Variants in HELQ observed in about 807,000 individuals in gnomAD.
HELQ encodes helicase POLQ-like.
Under a neutral mutation model 111.6 loss-of-function variants are expected in HELQ, and 77 were observed. The ratio of observed to expected loss-of-function variants is 0.69; its 90% CI spans 0.57 to 0.83. The LOEUF is 0.83. Among genes scored for constraint, HELQ ranks in the 40% least tolerant of loss-of-function variants. The pLI is 0.00. For synonymous variants in HELQ, 438 were observed against 454.7 expected, an observed-to-expected ratio of 0.96 and a Z score of 0.47; for missense variants, 1,200 against 1,288.5, an observed-to-expected ratio of 0.93 and a Z score of 1.05.
chr4:83,435,256 A>G (rs2172808), intron 9 of HELQ, among the ~76,000 whole-genome samples: 13,651 of 152,180 alleles, frequency 0.09, 2,062 homozygotes, highest in African/African-American at 0.31. Flanking sequence ...ACTACATGAA[A>G]GGGAGGGGAA....
chr4:83,414,710 T>TA (rs1277931930), intron 17 of HELQ, among the ~76,000 whole-genome samples: 1 of 152,096 alleles, frequency 6.6e-6, no homozygotes, highest in Non-Finnish European at 1.5e-5. Context: ...TTCCTCACAG[T>TA]AAAACATCAG....
chr4:83,431,246 T>C (rs1720130395), intron 11 of HELQ, among the ~76,000 whole-genome samples: 1 of 151,438 alleles, frequency 6.6e-6, no homozygotes, highest in South Asian at 2.1e-4. Flanking sequence ...CAAGACCCCA[T>C]CTCTAAGAAA....
In HELQ at chr4:83,421,461, C is replaced by T. The variant is rs185990570; in HGVS notation, c.2949+102G>A. ...GCTCTGTAATAACAGAATATGTCAA[C>T]AAGGAGAAAATGCTGACATACTGAC... On this transcript the variant is annotated intron_variant, in intron 15 of 17. Coordinates refer to ENST00000295488, the MANE Select transcript of HELQ (RefSeq NM_133636.5). 5.0e-6 allele frequency: 4 copies of T among 802,348 alleles called. No individual in the cohort carries two copies. In the South Asian group the frequency reaches 7.5e-5, roughly 15 times the overall value. 49.7% of individuals were successfully genotyped at this position (802,348 alleles called of 1,614,324 possible).
chr4:83,448,814 A>T lies in HELQ; in HGVS notation c.1160T>A (p.Ile387Asn). Residue 387 changes from isoleucine to asparagine, a missense_variant, in exon 3 of 18, where the codon ATT (isoleucine) becomes AAT (asparagine). Transcript: ENST00000295488. ...TTGGACAATTGCCACATATGGAAGA[A>T]TCATTAAAACATCTTTCCGACAGCA... ...LLCCRKDVLM[I>N]LPYVAIVQEK... The T allele has an allele frequency of 6.2e-7, 1 of 1,613,832 alleles. No individual in the cohort carries two copies. The highest frequency in any genetic ancestry group is 8.5e-7 in the Non-Finnish European group (1 of 1,179,906).
intron 6 of HELQ, among the ~76,000 whole-genome samples, chr4:83,442,117 A>G (rs1720791622): frequency 6.6e-6 from 1 of 151,612 alleles, no homozygotes; most frequent in Non-Finnish European, 1.5e-5. Context: ...CCACCACACT[A>G]TTTTTCTTTA....
Position 83,455,445 on chromosome 4 carries a change from G to A in HELQ, c.249C>T (p.Asn83=), listed in dbSNP as rs1354459058. The change falls in exon 1 of 18, where the codon AAC becomes AAT. Residue 83 remains asparagine, a synonymous_variant. Transcript: ENST00000295488. ...ECLVLGGGDT[N]PDLLRHMPTD... Reference sequence around the variant, plus strand: ...TGGGCATGTGACGTAGGAGGTCCGGGTTTGTATCACCACCTCCAAGGACGA... The same window carrying A: ...TGGGCATGTGACGTAGGAGGTCCGGATTTGTATCACCACCTCCAAGGACGA... 1 of 1,614,014 alleles carries A rather than the reference G, an allele frequency of 6.2e-7. No individual in the cohort carries two copies. Among genetic ancestry groups the A allele is most frequent in the Non-Finnish European group, 8.5e-7 (1 of 1,180,030 alleles).
At chr4:83,445,350 T>C (rs1468930616) in intron 5 of HELQ, among the ~76,000 whole-genome samples, 1 of 152,222 alleles carries the variant, frequency 6.6e-6, no homozygotes, top group South Asian at 2.1e-4. Flanking sequence ...AATGAACAAT[T>C]ATAAAATGCT....
intron 9 of HELQ, among the ~76,000 whole-genome samples, chr4:83,432,886 A>C (rs555345738): frequency 5.3e-5 from 8 of 151,846 alleles, no homozygotes; most frequent in East Asian, 1.9e-4. Flanking sequence ...GTCTCTACAA[A>C]AACAACAACA....
intron 16 of HELQ, among the ~76,000 whole-genome samples, chr4:83,417,326 C>T (rs1370255480): frequency 6.6e-6 from 1 of 152,030 alleles, no homozygotes; most frequent in Non-Finnish European, 1.5e-5. Flanking sequence ...CCTCAGCCTC[C>T]CAAGTAGCTG....
chr4:83,436,603 T>C (rs1437008089), intron 9 of HELQ, among the ~76,000 whole-genome samples: 1 of 152,066 alleles, frequency 6.6e-6, no homozygotes, highest in African/African-American at 2.4e-5. Context: ...GACCCTAACA[T>C]CAAAACCAGA....
rs773260888 is a variant in HELQ at position 83,429,702 on chromosome 4, T to C, written c.2340A>G (p.Thr780=). ...LDDIYHFMNG[T]FFGVQQKVLL... is the part of the protein sequence containing the mutation. The stretch of plus-strand genomic sequence containing the variant: ...AAACCTTTTGCTGAACACCAAAAAA[T>C]GTACCATTCATGAAATGATAGATGT... The change falls in exon 12 of 18, where the codon ACA becomes ACG. Residue 780 remains threonine, a synonymous_variant. Coordinates refer to ENST00000295488, the MANE Select transcript of HELQ (RefSeq NM_133636.5). The C allele has an allele frequency of 1.9e-6, 3 of 1,613,470 alleles. No homozygotes were observed. The highest frequency in any genetic ancestry group is 2.5e-6 in the Non-Finnish European group (3 of 1,179,666).
Position 83,453,757 on chromosome 4 carries a change from T to C in HELQ, c.486A>G (p.Ile162Met). ...CAGTTTGTAATTCAGTAAGGTTGCC[T>C]ATGGTAGTAATGCTGAGTTTGTTTT... The part of the protein sequence containing the change: ...SIKNKLSITT[I>M]GNLTELQTDK... Residue 162 changes from isoleucine to methionine, a missense_variant, in exon 2 of 18, where the codon ATA becomes ATG. Around this residue, in one of 3 missense-constraint regions of HELQ, gnomAD observed 610 missense variants for 607.1 expected, o/e 1.00. Coordinates refer to ENST00000295488, the MANE Select transcript of HELQ (RefSeq NM_133636.5). 1 of 1,614,182 alleles carries C rather than the reference T, an allele frequency of 6.2e-7. No individual in the cohort carries two copies. Among genetic ancestry groups the C allele is most frequent in the Non-Finnish European group, 8.5e-7 (1 of 1,180,016 alleles).
chr4:83,450,084 A>G (rs1417395636), intron 2 of HELQ, among the ~76,000 whole-genome samples: 1 of 151,848 alleles, frequency 6.6e-6, no homozygotes, highest in African/African-American at 2.4e-5. Flanking sequence ...AAAACACAGC[A>G]TTGTTTGTAG....
intron 2 of HELQ, 31 bp from the exon 3 acceptor site, chr4:83,448,992 T>C: frequency 6.7e-7 from 1 of 1,488,122 alleles, no homozygotes. Context: ...AGGCATTATT[T>C]TCCCCTTCCA....
chr4:83,411,173 A>G (rs962777801), intron 17 of HELQ, among the ~76,000 whole-genome samples: 2 of 151,158 alleles, frequency 1.3e-5, no homozygotes, highest in African/African-American at 4.9e-5. Context: ...AAAAAAAAAA[A>G]AAAAGAAAGT....
At chr4:83,452,208 C>T (rs532624547) in intron 2 of HELQ, among the ~76,000 whole-genome samples, 1 of 152,296 alleles carries the variant, frequency 6.6e-6, no homozygotes, top group East Asian at 1.9e-4. Context: ...TGTGGCCCAA[C>T]ACAAATTTGT....
At chr4:83,420,547 A>G (rs1739621776) in intron 15 of HELQ, among the ~76,000 whole-genome samples, 1 of 152,122 alleles carries the variant, frequency 6.6e-6, no homozygotes, top group Non-Finnish European at 1.5e-5. Flanking sequence ...CACTTTGCGA[A>G]GCCCAGGCAG....
intron 2 of HELQ, among the ~76,000 whole-genome samples, chr4:83,450,030 T>C (rs1321276424): frequency 1.3e-5 from 2 of 151,756 alleles, no homozygotes; most frequent in Non-Finnish European, 2.9e-5. Context: ...CTGGTAGTAT[T>C]ACTTTTGGGA....
intron 15 of HELQ, 81 bp downstream of exon 15, chr4:83,421,482 C>T (rs1195561193): frequency 1.0e-6 from 1 of 988,696 alleles, no homozygotes; most frequent in Non-Finnish European, 1.5e-6. Context: ...TGCTGACATA[C>T]TGACTAACTG....
Sources: allele counts gnomAD v4.1 joint callset (sites outside exome capture counted in the v4.1 genomes callset), GRCh38; gene constraint gnomAD v4.1.1; regional missense constraint gnomAD v4.1.1; transcripts MANE v1.5; gene names NCBI Gene and HGNC (gene_info 2026-07-23, HGNC 2026-07-21).